Variants in IL1RAPL2 observed in about 807,000 individuals in gnomAD.
The protein encoded by IL1RAPL2 is X-linked interleukin-1 receptor accessory protein-like 2.
A neutral mutation model predicts 44.1 loss-of-function variants in IL1RAPL2; 3 were observed. That is an observed-to-expected ratio of 0.07 (90% CI 0.03 to 0.18). The LOEUF is 0.18. Ranked by LOEUF, IL1RAPL2 falls within the 10% of genes least tolerant of loss-of-function variation. The probability of loss-of-function intolerance (pLI) is 1.00; values close to 1 mark genes in which losing one functional copy is unlikely to be tolerated. For missense variants in IL1RAPL2, 391 were observed against 496.4 expected, an observed-to-expected ratio of 0.79 and a Z score of 2.02; for synonymous variants, 181 against 178.8, an observed-to-expected ratio of 1.01 and a Z score of -0.10.
chrX:105,235,381 G>A (rs1272695239), intron 4 of IL1RAPL2, among the ~76,000 whole-genome samples: 2 of 111,711 alleles, frequency 1.8e-5, no homozygotes, highest in Non-Finnish European at 3.8e-5. Context: ...TGACCAGGAA[G>A]GTTTTCTGCA....
chrX:104,647,537 G>T, intron 1 of IL1RAPL2: 1 of 519,205 alleles, frequency 1.9e-6, no homozygotes, highest in Non-Finnish European at 3.5e-6. Context: ...TGCTCACTCC[G>T]TAAGATTGTC....
chrX:104,842,550 T>G (rs1450267452), intron 2 of IL1RAPL2, among the ~76,000 whole-genome samples: 1 of 112,329 alleles, frequency 8.9e-6, no homozygotes, highest in Non-Finnish European at 1.9e-5. Context: ...ATCTTGAGGC[T>G]GATGACCTTT....
chrX:104,967,222 T>C (rs1424114856), intron 2 of IL1RAPL2, among the ~76,000 whole-genome samples: 2 of 111,889 alleles, frequency 1.8e-5, no homozygotes, highest in Admixed American at 9.5e-5. Context: ...TTCTCTTAAC[T>C]CAATACCATC....
intron 6 of IL1RAPL2, among the ~76,000 whole-genome samples, chrX:105,497,559 G>A (rs904812204): frequency 3.6e-5 from 4 of 111,639 alleles, no homozygotes; most frequent in African/African-American, 1.3e-4. Flanking sequence ...TTGACGAGGA[G>A]GGAATTCTTT....
intron 6 of IL1RAPL2, among the ~76,000 whole-genome samples, chrX:105,694,184 T>G (rs1217738233): frequency 9.0e-6 from 1 of 111,598 alleles, no homozygotes; most frequent in East Asian, 2.8e-4. Flanking sequence ...AAGCAAGTCA[T>G]AAGGCCAGCC....
At chrX:105,401,894 A>C (rs1158477127) in intron 5 of IL1RAPL2, among the ~76,000 whole-genome samples, 1 of 110,656 alleles carries the variant, frequency 9.0e-6, no homozygotes, top group Admixed American at 9.7e-5. Context: ...ATTAGAGGAG[A>C]CACAGAAAAC....
chrX:104,887,593 C>A (rs990358289), intron 2 of IL1RAPL2, among the ~76,000 whole-genome samples: 2 of 111,527 alleles, frequency 1.8e-5, no homozygotes, highest in South Asian at 3.8e-4. Flanking sequence ...TATCAGACAC[C>A]ACCTACTTAG....
chrX:105,033,687 T>C (rs2031560313), intron 2 of IL1RAPL2, among the ~76,000 whole-genome samples: 2 of 111,332 alleles, frequency 1.8e-5, no homozygotes, highest in Admixed American at 1.9e-4. Flanking sequence ...TTGGTGAATC[T>C]GACAATTATA....
At chrX:105,517,745 A>C (rs774691789) in intron 6 of IL1RAPL2, among the ~76,000 whole-genome samples, 2 of 111,660 alleles carry the variant, frequency 1.8e-5, no homozygotes, top group African/African-American at 3.2e-5. Context: ...TACTTCTCTC[A>C]TACTAGAAAG....
intron 5 of IL1RAPL2, among the ~76,000 whole-genome samples, chrX:105,391,070 T>C (rs889587836): frequency 9.0e-6 from 1 of 111,673 alleles, no homozygotes; most frequent in Non-Finnish European, 1.9e-5. Context: ...TAAGGCAAGG[T>C]AGTTGTTTTT....
chrX:105,132,091 C>A (rs1398215973), intron 2 of IL1RAPL2, among the ~76,000 whole-genome samples: 2 of 107,964 alleles, frequency 1.9e-5, no homozygotes, highest in Non-Finnish European at 3.8e-5. Flanking sequence ...GTATAGATGG[C>A]ACTTGGTCAA....
chrX:105,658,733 T>A (rs1344486790), intron 6 of IL1RAPL2, among the ~76,000 whole-genome samples: 6 of 107,147 alleles, frequency 5.6e-5, no homozygotes. Flanking sequence ...GGTGGGCAGA[T>A]CATGAGGTCA....
At chrX:104,602,954 C>T (rs745684348) in intron 1 of IL1RAPL2, among the ~76,000 whole-genome samples, 94 of 111,782 alleles carry the variant, frequency 8.4e-4, no homozygotes, top group African/African-American at 3.0e-3. Context: ...CAGTGGACCT[C>T]CCAGCACAGT....
intron 2 of IL1RAPL2, among the ~76,000 whole-genome samples, chrX:104,859,124 G>GT (rs1331114183): frequency 1.8e-5 from 2 of 111,038 alleles, no homozygotes; most frequent in African/African-American, 6.5e-5. Context: ...TTGCTAATAT[G>GT]TTTTTTCACC....
chrX:105,637,240 T>C (rs1236863862), intron 6 of IL1RAPL2, among the ~76,000 whole-genome samples: 2 of 111,815 alleles, frequency 1.8e-5, no homozygotes, highest in African/African-American at 6.5e-5. Flanking sequence ...CATATTGTTT[T>C]GTTTCAATCT....
intron 2 of IL1RAPL2, among the ~76,000 whole-genome samples, chrX:105,017,688 T>C (rs181456467): frequency 1.0e-4 from 11 of 110,436 alleles, no homozygotes; most frequent in African/African-American, 2.0e-4. Flanking sequence ...AGTAACATAA[T>C]AGAGAGTGGA....
chrX:105,507,188 T>C (rs1333718148), intron 6 of IL1RAPL2, among the ~76,000 whole-genome samples: 1 of 111,870 alleles, frequency 8.9e-6, no homozygotes, highest in Non-Finnish European at 1.9e-5. Context: ...TTTATGTTAT[T>C]CTTACTCTGT....
rs35503754 is a variant in IL1RAPL2 at position 104,848,409 on chromosome X, G to GTATATA, written c.82+189451_82+189456dup. 3.4e-3 allele frequency among the ~76,000 whole-genome samples: 221 copies of GTATATA among 64,784 alleles called. 3 individuals are homozygous for GTATATA. Among genetic ancestry groups the GTATATA allele is most frequent in the African/African-American group, 4.4e-3 (69 of 15,785 alleles). The allele number at this position is 64,784 out of a possible 115,157, so 56.3% of individuals were successfully genotyped here. A position where few individuals can be genotyped will look rare whatever the true frequency, so the allele number is the denominator to read the frequency against. ...CAAATTTTTAAAAAGATTTTTATCTGTATATATATATATATATATATATAT... is the reference window on the plus strand; with the variant it reads ...CAAATTTTTAAAAAGATTTTTATCTGTATATATATATATATATATATATATATATAT... On this transcript the variant is annotated intron_variant, in intron 2 of 10. Coordinates refer to ENST00000372582, the MANE Select transcript of IL1RAPL2 (RefSeq NM_017416.2).
At position 105,639,660 on chromosome X, in the gene IL1RAPL2, A is replaced by G. The variant is rs774521556; in HGVS notation, c.773-77707A>G. Reference sequence around the variant, plus strand: ...TATAATTTCATTTACCTTTACAGAAATAATCGTCACTCCTCATCTTTATTT... The same window carrying G: ...TATAATTTCATTTACCTTTACAGAAGTAATCGTCACTCCTCATCTTTATTT... On this transcript the variant is annotated intron_variant, in intron 6 of 10. Transcript: ENST00000372582. Among the ~76,000 whole-genome samples the G allele has an allele frequency of 9.8e-5, 11 of 111,707 alleles. No homozygotes were observed. The South Asian group carries it at 1.1e-3, about 11-fold the overall frequency.
Sources: allele counts gnomAD v4.1 joint callset (sites outside exome capture counted in the v4.1 genomes callset), GRCh38; gene constraint gnomAD v4.1.1; transcripts MANE v1.5; gene names NCBI Gene and HGNC (gene_info 2026-07-23, HGNC 2026-07-21).